RAP1GAP2: variants seen among roughly 807,000 people sequenced by gnomAD.
RAP1GAP2 encodes the protein RAP1 GTPase activating protein 2.
Under a neutral mutation model 95.0 loss-of-function variants are expected in RAP1GAP2, and 27 were observed. The ratio of observed to expected loss-of-function variants is 0.28; its 90% CI spans 0.21 to 0.39. RAP1GAP2 has a LOEUF of 0.39. RAP1GAP2 is among the 10% of genes least tolerant of loss of function. The probability of loss-of-function intolerance (pLI) is 1.00; values close to 1 mark genes in which losing one functional copy is unlikely to be tolerated. For synonymous variants in RAP1GAP2, 373 were observed against 380.9 expected (o/e 0.98, Z 0.24); for missense variants, 771 against 970.0 (o/e 0.79, Z 2.72).
intron 2 of RAP1GAP2, among the ~76,000 whole-genome samples, chr17:2,838,163 C>T (rs527790202): frequency 9.2e-5 from 14 of 151,832 alleles, no homozygotes; most frequent in South Asian, 4.2e-4. Context: ...CGATTACAGG[C>T]GCCCACCACT....
intron 2 of RAP1GAP2, among the ~76,000 whole-genome samples, chr17:2,864,758 G>A (rs976008083): frequency 2.0e-5 from 3 of 152,224 alleles, no homozygotes; most frequent in Non-Finnish European, 4.4e-5. Flanking sequence ...GGGGCGCCCT[G>A]TGGGAGCTGG....
Position 3,032,845 on chromosome 17 carries a change from G to A in RAP1GAP2, c.*30+396G>A, listed in dbSNP as rs565310425. ...TTTGGCGGAGGCCCTGGGCTGAGGTGTGTTCTCCCTCCCTGTCGGGAGTCA... is the reference window on the plus strand; with the variant it reads ...TTTGGCGGAGGCCCTGGGCTGAGGTATGTTCTCCCTCCCTGTCGGGAGTCA... On this transcript the variant is annotated intron_variant, in intron 24 of 24. Transcript: ENST00000254695. 3.1e-3 allele frequency among the ~76,000 whole-genome samples: 476 copies of A among 152,310 alleles called. 2 individuals are homozygous for A. The highest frequency in any genetic ancestry group is 0.011 in the African/African-American group (461 of 41,570).
intron 2 of RAP1GAP2, among the ~76,000 whole-genome samples, chr17:2,808,043 A>G (rs55990859): frequency 0.16 from 24,399 of 152,132 alleles, 2,260 homozygotes; most frequent in African/African-American, 0.25. Flanking sequence ...CTGGGGATCC[A>G]ACCTGTGAGA....
At chr17:2,888,635 T>C (rs1325901499) in intron 2 of RAP1GAP2, among the ~76,000 whole-genome samples, 1 of 146,840 alleles carries the variant, frequency 6.8e-6, no homozygotes, top group African/African-American at 2.5e-5. Context: ...CGTGCATATA[T>C]ACCACCTTTT....
intron 7 of RAP1GAP2, chr17:2,964,508 T>G: frequency 5.6e-6 from 1 of 179,754 alleles, no homozygotes; most frequent in Non-Finnish European, 1.2e-5. Flanking sequence ...TGTCCTGGGA[T>G]AGGGGACGGG....
At chr17:2,785,650 G>GT (rs1257849032) in intron 1 of RAP1GAP2, among the ~76,000 whole-genome samples, 7 of 152,154 alleles carry the variant, frequency 4.6e-5, no homozygotes, top group African/African-American at 9.7e-5. Flanking sequence ...ACCCCTTTAA[G>GT]TTGTAAGCCT....
chr17:2,779,801 G>A (rs991332258), intron 1 of RAP1GAP2, among the ~76,000 whole-genome samples: 15 of 58,504 alleles, frequency 2.6e-4, no homozygotes, highest in Non-Finnish European at 5.4e-4. Context: ...AGGGGGCTGG[G>A]GGGGGGCAGG....
intron 2 of RAP1GAP2, among the ~76,000 whole-genome samples, chr17:2,884,259 G>T (rs1469879129): frequency 6.6e-6 from 1 of 151,916 alleles, no homozygotes; most frequent in Non-Finnish European, 1.5e-5. Flanking sequence ...GGGGTGCAGT[G>T]GGGCTGCAGT....
chr17:2,904,272 G>C lies in RAP1GAP2; in HGVS notation c.81-1012G>C, dbSNP rs2042116544. On this transcript the variant is annotated intron_variant, in intron 2 of 24. Transcript: ENST00000254695. This position sits in a 1 kb window ranked among gnomAD's most constrained non-coding sequence, Gnocchi z 4.7. ...CAGCTGGCCCTGTTGTGCAGCCGTG[G>C]CTCTGAAGGCTGATCCCATGCCAAA... Among the ~76,000 whole-genome samples, 1 of 152,126 alleles carries C rather than the reference G, an allele frequency of 6.6e-6. No homozygotes were observed. The highest frequency in any genetic ancestry group is 2.1e-4 in the South Asian group (1 of 4,834).
At chr17:2,763,249 T>G (rs1209556644) in intron 1 of RAP1GAP2, among the ~76,000 whole-genome samples, 1 of 152,192 alleles carries the variant, frequency 6.6e-6, no homozygotes, top group Non-Finnish European at 1.5e-5. Flanking sequence ...TTGCTGTGAT[T>G]TTTACAGCAG....
At chr17:2,915,294 G>A (rs1008748941) in intron 3 of RAP1GAP2, among the ~76,000 whole-genome samples, 31 of 150,996 alleles carry the variant, frequency 2.1e-4, no homozygotes, top group Admixed American at 9.9e-4. Context: ...GCAGTGGTGC[G>A]AACAGAGCTC....
At chr17:2,968,726 C>T (rs906249773) in intron 8 of RAP1GAP2, among the ~76,000 whole-genome samples, 2 of 151,878 alleles carry the variant, frequency 1.3e-5, no homozygotes, top group Non-Finnish European at 1.5e-5. Flanking sequence ...GACTTAAATT[C>T]GATTGTTAAC....
At chr17:2,784,645 C>G (rs925755558) in intron 1 of RAP1GAP2, among the ~76,000 whole-genome samples, 1 of 152,192 alleles carries the variant, frequency 6.6e-6, no homozygotes, top group Non-Finnish European at 1.5e-5. Context: ...TTGGGTCTGT[C>G]CCCAGATCCC....
intron 2 of RAP1GAP2, among the ~76,000 whole-genome samples, chr17:2,834,796 CA>C (rs1007481950): frequency 2.0e-5 from 3 of 151,362 alleles, no homozygotes; most frequent in Admixed American, 6.6e-5. Flanking sequence ...GACCCTGTCT[CA>C]AAAAAAAGAA....
chr17:3,008,831 G>A lies in RAP1GAP2; in HGVS notation c.1494+686G>A, dbSNP rs888524679. Among the ~76,000 whole-genome samples the A allele has an allele frequency of 3.9e-5, 6 of 152,158 alleles. No individual in the cohort carries two copies. Among genetic ancestry groups the A allele is most frequent in the Admixed American group, 2.6e-4 (4 of 15,264 alleles). On this transcript the variant is annotated intron_variant, in intron 17 of 24. Transcript: ENST00000254695. The surrounding 1 kb of genome is among the most constrained non-coding windows in gnomAD (Gnocchi z 4.2). Reference sequence around the variant, plus strand: ...AGCACGTAGACCCAGCATCTGGCTCGAGCCTGGCTGTCAGCCTGTGCAGGT... The same window carrying A: ...AGCACGTAGACCCAGCATCTGGCTCAAGCCTGGCTGTCAGCCTGTGCAGGT...
chr17:2,894,546 T>A (rs114827475), intron 2 of RAP1GAP2, among the ~76,000 whole-genome samples: 1,765 of 152,226 alleles, frequency 0.012, 37 homozygotes, highest in African/African-American at 0.038. Flanking sequence ...GTCTTTCTGC[T>A]TAGGTTTTAG....
At position 2,962,659 on chromosome 17, in the gene RAP1GAP2, T is replaced by C. The variant is rs148274749; in HGVS notation, c.202-11T>C. On this transcript the variant is annotated splice_polypyrimidine_tract_variant and intron_variant, in intron 4 of 24. Coordinates refer to ENST00000254695, the MANE Select transcript of RAP1GAP2 (RefSeq NM_015085.5). ...GCTTTTCTGTGGATCCTGTTTTCCTTGTTTCTATAGGGGATCAAGCTTGAA... is the reference window on the plus strand; with the variant it reads ...GCTTTTCTGTGGATCCTGTTTTCCTCGTTTCTATAGGGGATCAAGCTTGAA... 2.6e-4 allele frequency: 405 copies of C among 1,581,784 alleles called. 2 individuals are homozygous for C. The African/African-American group carries it at 4.2e-3, about 16-fold the overall frequency.
intron 2 of RAP1GAP2, among the ~76,000 whole-genome samples, chr17:2,824,170 A>T (rs1353406724): frequency 6.3e-5 from 9 of 143,194 alleles, no homozygotes; most frequent in Non-Finnish European, 1.4e-4. Context: ...CACATGGGCC[A>T]GGTGTGGTGG....
intron 2 of RAP1GAP2, among the ~76,000 whole-genome samples, chr17:2,801,779 C>T: frequency 6.6e-6 from 1 of 152,120 alleles, no homozygotes; most frequent in East Asian, 1.9e-4. Flanking sequence ...CCGTGTATCT[C>T]TTGGTCCGTC....
Sources: allele counts gnomAD v4.1 joint callset (sites outside exome capture counted in the v4.1 genomes callset), GRCh38; gene constraint gnomAD v4.1.1; non-coding constraint Gnocchi (gnomAD v3.1); transcripts MANE v1.5; gene names NCBI Gene and HGNC (gene_info 2026-07-23, HGNC 2026-07-21).